COPS8: variants seen among roughly 807,000 people sequenced by gnomAD.
COPS8 encodes COP9 signalosome complex subunit 8.
A neutral mutation model predicts 31.5 loss-of-function variants in COPS8; 11 were observed. That is an observed-to-expected ratio of 0.35 (90% confidence interval 0.22 to 0.58). The LOEUF is 0.58. Ranked by LOEUF, COPS8 falls within the 20% of genes least tolerant of loss-of-function variation. The probability of loss-of-function intolerance (pLI) is 0.83; values close to 1 mark genes in which losing one functional copy is unlikely to be tolerated. For missense variants in COPS8, 215 were observed against 255.1 expected (o/e 0.84, Z 1.07); for synonymous variants, 81 against 89.3 (o/e 0.91, Z 0.52).
intron 4 of COPS8, among the ~76,000 whole-genome samples, chr2:237,093,242 G>GT (rs1696739113): frequency 6.6e-6 from 1 of 152,216 alleles, no homozygotes; most frequent in South Asian, 2.1e-4. Context: ...AATTGGTGTA[G>GT]TTTGACAATG....
chr2:237,096,904 C>G, intron 7 of COPS8, 35 bp downstream of exon 7: 1 of 1,445,632 alleles, frequency 6.9e-7, no homozygotes, highest in South Asian at 1.2e-5. Context: ...TTTAATGTCT[C>G]ATTGTTCCTA....
At chr2:237,090,628 T>G (rs1469177312) in intron 4 of COPS8, among the ~76,000 whole-genome samples, 1 of 152,224 alleles carries the variant, frequency 6.6e-6, no homozygotes, top group East Asian at 1.9e-4. Flanking sequence ...ATAGTTAATA[T>G]CCACCTTCAC....
At chr2:237,097,562 T>TA in intron 7 of COPS8, 101 bp from the exon 8 acceptor site, 1 of 729,514 alleles carries the variant, frequency 1.4e-6, no homozygotes, top group Non-Finnish European at 2.3e-6. Flanking sequence ...AAAGTTAACT[T>TA]ACTGTTAAAA....
chr2:237,086,194 C>A, intron 1 of COPS8, 152 bp downstream of exon 1: 1 of 733,468 alleles, frequency 1.4e-6, no homozygotes, highest in Non-Finnish European at 2.3e-6. Context: ...CTGACCGCCG[C>A]AACCTGCTCC....
Position 237,088,613 on chromosome 2 carries a change from C to T in COPS8, c.158C>T (p.Ala53Val), listed in dbSNP as rs764905331. 3 of 1,590,168 alleles carry T rather than the reference C, an allele frequency of 1.9e-6. No homozygotes were observed. The highest frequency in any genetic ancestry group is 2.7e-5 in the African/African-American group (2 of 74,160). ...LYLLHNDMNNARYLWKRIPPA... is the reference protein window; with the variant it reads ...LYLLHNDMNNVRYLWKRIPPA... ...GTGGTGGCGTAAATTAGGAATAATG[C>T]AAGATATCTTTGGAAAAGAATACCA... Residue 53 changes from alanine (A) to valine (V), a missense_variant, in exon 3 of 8, where the codon GCA becomes GTA. Ala to Val is a moderately conservative substitution (Grantham distance 64). Coordinates refer to ENST00000354371, the MANE Select transcript of COPS8 (RefSeq NM_006710.5).
At chr2:237,088,713 A>G (rs1478535621) in intron 3 of COPS8, 60 bp downstream of exon 3, 1 of 1,077,230 alleles carries the variant, frequency 9.3e-7, no homozygotes, top group East Asian at 2.4e-5. Flanking sequence ...TTAAATGGCA[A>G]CCTTTTATAA....
At chr2:237,089,804 A>G (rs1696675593) in intron 3 of COPS8, 58 bp from the exon 4 acceptor site, 3 of 1,524,504 alleles carry the variant, frequency 2.0e-6, no homozygotes, top group East Asian at 2.3e-5. Context: ...GTTTTAAGAT[A>G]CAATCATTGG....
At position 237,088,606 on chromosome 2, in the gene COPS8, A is replaced by G. The variant is rs758990973; in HGVS notation, c.151A>G (p.Asn51Asp). The change falls in exon 3 of 8, where the codon AAT becomes GAT. Residue 51 changes from asparagine to aspartate, a missense_variant and splice_region_variant. Asn to Asp is a conservative substitution (Grantham distance 23, BLOSUM62 1). Transcript: ENST00000354371. ...LALYLLHNDM[N>D]NARYLWKRIP... ...CTTCTTTGTGGTGGCGTAAATTAGG[A>G]ATAATGCAAGATATCTTTGGAAAAG... The G allele has an allele frequency of 1.3e-6, 2 of 1,591,274 alleles. No individual in the cohort carries two copies. Among genetic ancestry groups the G allele is most frequent in the Admixed American group, 3.5e-5 (2 of 57,720 alleles).
Position 237,099,502 on chromosome 2 carries a change from A to G in COPS8, c.*1760A>G, listed in dbSNP as rs1696859271. 1 of 152,026 alleles carries G rather than the reference A, an allele frequency of 6.6e-6. No individual in the cohort carries two copies. The highest frequency in any genetic ancestry group is 6.5e-5 in the Admixed American group (1 of 15,276). 9.4% of individuals were successfully genotyped at this position (152,026 alleles called of 1,614,324 possible). ...TGTGGTTTTTCATGATTAATTTCACAAAATCTTGATATCTTTTTTATTATT... is the reference window on the plus strand; with the variant it reads ...TGTGGTTTTTCATGATTAATTTCACGAAATCTTGATATCTTTTTTATTATT... On this transcript the variant is annotated 3_prime_UTR_variant, in exon 8 of 8. Coordinates refer to ENST00000354371, the MANE Select transcript of COPS8 (RefSeq NM_006710.5).
chr2:237,092,676 G>A (rs1696727795), intron 4 of COPS8, among the ~76,000 whole-genome samples: 1 of 152,166 alleles, frequency 6.6e-6, no homozygotes, highest in African/African-American at 2.4e-5. Context: ...TTACAGGCTG[G>A]TTGAAGGAAG....
In COPS8 at chr2:237,089,923, C is replaced by T. The variant is rs542558520; in HGVS notation, c.260C>T (p.Pro87Leu). The T allele has an allele frequency of 9.9e-6, 16 of 1,613,696 alleles. No homozygotes were observed. The highest frequency in any genetic ancestry group is 1.7e-5 in the Admixed American group (1 of 60,018). ...CAAAGAATCTGGCAGAGAGATTTCC[C>T]TGGGATCTATACAACCATCAACGCT... Reference protein sequence around the residue: ...VGQRIWQRDFPGIYTTINAHQ... With the variant: ...VGQRIWQRDFLGIYTTINAHQ... Residue 87 changes from proline to leucine, a missense_variant, in exon 4 of 8, where the codon CCT (proline) becomes CTT (leucine). By Grantham distance (98) the Pro-to-Leu change is moderately conservative (BLOSUM62 -3). Transcript: ENST00000354371.
intron 6 of COPS8, 37 bp from the exon 7 acceptor site, chr2:237,096,785 C>A: frequency 1.3e-6 from 2 of 1,538,512 alleles, no homozygotes; most frequent in Non-Finnish European, 1.8e-6. Flanking sequence ...ACAATGACTT[C>A]TGTAAATTGA....
intron 1 of COPS8, among the ~76,000 whole-genome samples, 178 bp from the exon 2 acceptor site, chr2:237,086,949 T>G (rs1559297988): frequency 1.3e-5 from 2 of 152,250 alleles, no homozygotes; most frequent in Non-Finnish European, 2.9e-5. Context: ...TTGATACTTC[T>G]CTAAGCTGTT....
intron 1 of COPS8, chr2:237,086,824 A>C: frequency 1.5e-6 from 1 of 668,212 alleles, no homozygotes; most frequent in Non-Finnish European, 1.9e-6. Context: ...GGAATTTGAG[A>C]ACTGGGGAAG....
intron 6 of COPS8, 132 bp from the exon 7 acceptor site, chr2:237,096,690 A>C (rs1696806707): frequency 2.8e-6 from 2 of 711,530 alleles, no homozygotes; most frequent in Non-Finnish European, 2.5e-6. Flanking sequence ...ATTATAATGG[A>C]GCACAGTTGT....
At chr2:237,094,634 A>G (rs2106346636) in intron 5 of COPS8, among the ~76,000 whole-genome samples, 1 of 152,192 alleles carries the variant, frequency 6.6e-6, no homozygotes, top group South Asian at 2.1e-4. Flanking sequence ...GCTGATGCCC[A>G]GACTAATCCT....
intron 1 of COPS8, among the ~76,000 whole-genome samples, 154 bp downstream of exon 1, chr2:237,086,196 A>G (rs1696608475): frequency 6.6e-6 from 1 of 151,922 alleles, no homozygotes; most frequent in African/African-American, 2.4e-5. Flanking sequence ...GACCGCCGCA[A>G]CCTGCTCCGA....
At chr2:237,087,455 CTTT>C in intron 2 of COPS8, 2 of 480,368 alleles carry the variant, frequency 4.2e-6, no homozygotes, top group Non-Finnish European at 7.8e-6. Context: ...ACCTTTTTGT[CTTT>C]TTAAGAAACT....
intron 2 of COPS8, among the ~76,000 whole-genome samples, chr2:237,087,967 A>G (rs1421876075): frequency 6.6e-6 from 1 of 152,060 alleles, no homozygotes; most frequent in Non-Finnish European, 1.5e-5. Flanking sequence ...AAAAAAAAAA[A>G]AAGTCTCCTA....
Sources: gnomAD v4.1 joint callset for allele counts (sites outside exome capture counted in the v4.1 genomes callset) on GRCh38, gnomAD v4.1.1 for gene constraint, MANE v1.5 for transcripts, NCBI Gene and HGNC (gene_info 2026-07-23, HGNC 2026-07-21) for gene names.